Variants in CD101 observed in about 807,000 individuals in gnomAD.
CD101 encodes immunoglobulin superfamily member 2.
In CD101, 76 loss-of-function variants were observed where a neutral mutation model predicts 98.2. That is an observed-to-expected ratio of 0.77 (90% confidence interval 0.64 to 0.94). The LOEUF is 0.94. Ranked by LOEUF, CD101 falls within the 40% of genes least tolerant of loss-of-function variation. The pLI is 0.00. For missense variants in CD101, 1,145 were observed against 1,218.8 expected, an observed-to-expected ratio of 0.94 and a Z score of 0.90; for synonymous variants, 471 against 472.7, an observed-to-expected ratio of 1.00 and a Z score of 0.05.
At chr1:117,025,980 C>T in intron 8 of CD101, 76 bp downstream of exon 8, 3 of 1,445,492 alleles carry the variant, frequency 2.1e-6, no homozygotes, top group Non-Finnish European at 2.8e-6. Context: ...TCCCTCTCAC[C>T]TATCTTTTGC....
At chr1:117,024,664 C>G (rs1471977951) in intron 7 of CD101, among the ~76,000 whole-genome samples, 1 of 152,200 alleles carries the variant, frequency 6.6e-6, no homozygotes, top group Admixed American at 6.5e-5. Flanking sequence ...CTCTTTAAAA[C>G]TCAGTCTAAT....
In CD101 at chr1:117,012,109, T is replaced by A; in HGVS notation, c.841+143T>A. On this transcript the variant is annotated intron_variant, in intron 3 of 9. Coordinates refer to ENST00000682167, the MANE Select transcript of CD101 (RefSeq NM_001256106.3). This position sits in a 1 kb window ranked among gnomAD's most constrained non-coding sequence, Gnocchi z 4.0. Reference sequence around the variant, plus strand: ...TTGATTTAATTTTGTATTTTTGTCATCTGAGAAGCATAACTAAGAGGGAGC... The same window carrying A: ...TTGATTTAATTTTGTATTTTTGTCAACTGAGAAGCATAACTAAGAGGGAGC... 1.3e-6 allele frequency: 1 copy of A among 782,508 alleles called. No homozygotes were observed. Among genetic ancestry groups the A allele is most frequent in the East Asian group, 2.7e-5 (1 of 37,144 alleles). The allele number at this position is 782,508 out of a possible 1,614,324, so 48.5% of individuals were successfully genotyped here. A position where few individuals can be genotyped will look rare whatever the true frequency, so the allele number is the denominator to read the frequency against.
rs887574829 is a variant in CD101 at position 117,022,818 on chromosome 1, C to T, written c.2428+835C>T. 2.0e-5 allele frequency among the ~76,000 whole-genome samples: 3 copies of T among 152,170 alleles called. No homozygotes were observed. The highest frequency in any genetic ancestry group is 1.3e-4 in the Admixed American group (2 of 15,270). ...GCACAGCCCTGGCCCTTAAGGAGCT[C>T]CCAGTCTGGTGGGACAACAAGGGCA... On this transcript the variant is annotated intron_variant, in intron 7 of 9. Transcript: ENST00000682167. This position sits in a 1 kb window ranked among gnomAD's most constrained non-coding sequence, Gnocchi z 4.8.
chr1:117,013,512 A>G lies in CD101; in HGVS notation c.948A>G (p.Gln316=), dbSNP rs1404052039. 1.2e-6 allele frequency: 2 copies of G among 1,614,078 alleles called. No homozygotes were observed. The highest frequency in any genetic ancestry group is 2.7e-5 in the African/African-American group (2 of 74,932). The change falls in exon 4 of 10, where the codon CAA becomes CAG. Residue 316 remains glutamine, a synonymous_variant. Coordinates refer to ENST00000682167, the MANE Select transcript of CD101 (RefSeq NM_001256106.3). ...GCAGTGGCCGTGACCCACAGCTTCA[A>G]GGCATTTGGTTCTTCAATGGGACTG... ...VVSSGRDPQL[Q]GIWFFNGTEI...
intron 7 of CD101, among the ~76,000 whole-genome samples, chr1:117,024,426 A>G (rs4659344): frequency 0.38 from 57,753 of 152,026 alleles, 11,479 homozygotes; most frequent in East Asian, 0.62. Flanking sequence ...GCGGTGAGCC[A>G]AGATTGTGCC....
At chr1:117,001,958 A>G (rs1652255052) in intron 1 of CD101, 98 bp downstream of exon 1, 1 of 1,094,016 alleles carries the variant, frequency 9.1e-7, no homozygotes, top group Admixed American at 1.9e-5. Flanking sequence ...TACAGGAACA[A>G]CTATGCCATA....
In CD101 at chr1:117,017,433, G is replaced by A; in HGVS notation, c.1572G>A (p.Leu524=). 6.2e-7 allele frequency: 1 copy of A among 1,613,786 alleles called. No homozygotes were observed. The highest frequency in any genetic ancestry group is 8.5e-7 in the Non-Finnish European group (1 of 1,179,700). The part of the protein sequence containing the change: ...SEKSRNQARD[L]SWTQKISVTV... ...AGTCTCGGAACCAGGCCAGAGATCTGAGCTGGACTCAGAAGATTTCAGTTA... is the reference window on the plus strand; with the variant it reads ...AGTCTCGGAACCAGGCCAGAGATCTAAGCTGGACTCAGAAGATTTCAGTTA... The change falls in exon 5 of 10, where the codon CTG becomes CTA. Residue 524 remains leucine, a synonymous_variant. Coordinates refer to ENST00000682167, the MANE Select transcript of CD101 (RefSeq NM_001256106.3).
At chr1:117,003,005 G>C (rs1426088316) in intron 1 of CD101, among the ~76,000 whole-genome samples, 3 of 152,198 alleles carry the variant, frequency 2.0e-5, no homozygotes, top group Non-Finnish European at 4.4e-5. Flanking sequence ...AGCTGGGCAT[G>C]GTGGCACATA....
rs191857811 is a variant in CD101, at chr1:117,008,854, G to A, written c.44-996G>A. The stretch of plus-strand genomic sequence containing the variant: ...TCCATAAGGCCAGCAATCTCTCCCT[G>A]TCTGGCCCTTCTGGTGTCTTCCAAC... On this transcript the variant is annotated intron_variant, in intron 1 of 9. Transcript: ENST00000682167. Among the ~76,000 whole-genome samples the A allele has an allele frequency of 1.6e-4, 24 of 152,206 alleles. No homozygotes were observed. In the East Asian group the frequency reaches 4.4e-3, roughly 28 times the overall value.
At position 117,011,902 on chromosome 1, in the gene CD101, T is replaced by A. The variant is rs768852480; in HGVS notation, c.777T>A (p.Asp259Glu). ...CAACGGAATGGATTCAGGATCCAGATGAAACTTGGATGTTCATCACCAAAA... is the reference window on the plus strand; with the variant it reads ...CAACGGAATGGATTCAGGATCCAGAAGAAACTTGGATGTTCATCACCAAAA... The part of the protein sequence containing the change: ...CEATEWIQDP[D>E]ETWMFITKKQ... The change falls in exon 3 of 10, where the codon GAT (aspartate) becomes GAA (glutamate). Residue 259 changes from aspartate to glutamate, a missense_variant. Coordinates refer to ENST00000682167, the MANE Select transcript of CD101 (RefSeq NM_001256106.3). 1.2e-6 allele frequency: 2 copies of A among 1,614,154 alleles called. No individual in the cohort carries two copies. Among genetic ancestry groups the A allele is most frequent in the South Asian group, 1.1e-5 (1 of 91,082 alleles).
intron 8 of CD101, among the ~76,000 whole-genome samples, chr1:117,028,668 G>C (rs1465867426): frequency 6.6e-6 from 1 of 152,194 alleles, no homozygotes; most frequent in Non-Finnish European, 1.5e-5. Flanking sequence ...AGGGAATCAG[G>C]ATTTGGTGGT....
In CD101 at chr1:117,018,369, G is replaced by A. The variant is rs759778037; in HGVS notation, c.1826G>A (p.Arg609Gln). The A allele has an allele frequency of 1.2e-5, 20 of 1,613,994 alleles. No homozygotes were observed. The highest frequency in any genetic ancestry group is 4.5e-5 in the East Asian group (2 of 44,888). Reference protein sequence around the residue: ...GTIEWGNFLSRFQKKTKVSQS... With the variant: ...GTIEWGNFLSQFQKKTKVSQS... ...ATTGAATGGGGGAATTTCCTATCCC[G>A]GTTCCAAAAGAAGACGAAAGTGTCG... The change falls in exon 6 of 10, where the codon CGG (arginine) becomes CAG (glutamine). Residue 609 changes from arginine (R) to glutamine (Q), a missense_variant. Coordinates refer to ENST00000682167, the MANE Select transcript of CD101 (RefSeq NM_001256106.3). The surrounding 1 kb of genome is among the most constrained non-coding windows in gnomAD (Gnocchi z 4.3).
At chr1:117,013,967 G>A (rs897067496) in intron 4 of CD101, among the ~76,000 whole-genome samples, 175 bp downstream of exon 4, 9 of 152,034 alleles carry the variant, frequency 5.9e-5, no homozygotes, top group African/African-American at 9.7e-5. Context: ...CTGAAGACCC[G>A]AGTCCTATTC....
At position 117,004,692 on chromosome 1, in the gene CD101, A is replaced by G. The variant is rs1051941479; in HGVS notation, c.43+2832A>G. 4.6e-5 allele frequency among the ~76,000 whole-genome samples: 7 copies of G among 152,200 alleles called. No individual in the cohort carries two copies. The highest frequency in any genetic ancestry group is 2.6e-4 in the Admixed American group (4 of 15,274). ...AAAAACCCAGAGAGAATATATTTAT[A>G]GTAAGATGCTTAAGCTTATGGCCCC... On this transcript the variant is annotated intron_variant, in intron 1 of 9. Transcript: ENST00000682167. This position sits in a 1 kb window ranked among gnomAD's most constrained non-coding sequence, Gnocchi z 4.1.
At position 117,025,649 on chromosome 1, in the gene CD101, T is replaced by C; in HGVS notation, c.2569T>C (p.Ser857Pro). ...SVMWYWNRENSGSKLLVHLQH... is the reference protein window; with the variant it reads ...SVMWYWNRENPGSKLLVHLQH... Reference sequence around the variant, plus strand: ...GATGTGGTACTGGAACAGAGAAAACTCTGGAAGTAAATTGCTGGTGCACTT... The same window carrying C: ...GATGTGGTACTGGAACAGAGAAAACCCTGGAAGTAAATTGCTGGTGCACTT... The change falls in exon 8 of 10, where the codon TCT (serine) becomes CCT (proline). Residue 857 changes from serine to proline, a missense_variant. Ser to Pro is a moderately conservative substitution (Grantham distance 74). Coordinates refer to ENST00000682167, the MANE Select transcript of CD101 (RefSeq NM_001256106.3). 1.9e-6 allele frequency: 3 copies of C among 1,614,118 alleles called. No homozygotes were observed. The highest frequency in any genetic ancestry group is 2.5e-6 in the Non-Finnish European group (3 of 1,180,030).
intron 6 of CD101, among the ~76,000 whole-genome samples, chr1:117,020,522 C>T (rs540881515): frequency 1.4e-4 from 21 of 152,084 alleles, no homozygotes; most frequent in Non-Finnish European, 1.8e-4. Flanking sequence ...CCAGCCTGGG[C>T]GACAGAGCAA....
chr1:117,002,682 C>T (rs1652303018), intron 1 of CD101, among the ~76,000 whole-genome samples: 2 of 152,102 alleles, frequency 1.3e-5, no homozygotes, highest in African/African-American at 4.8e-5. Flanking sequence ...ATACAGGTAT[C>T]AAAATATTTT....
chr1:117,032,054 G>C (rs1654497279), intron 8 of CD101: 1 of 152,220 alleles, frequency 6.6e-6, no homozygotes, highest in Non-Finnish European at 1.5e-5. Context: ...AGAGGGGTCA[G>C]ATAGGATGTG....
At chr1:117,014,160 T>G (rs1448110104) in intron 4 of CD101, among the ~76,000 whole-genome samples, 1 of 150,826 alleles carries the variant, frequency 6.6e-6, no homozygotes, top group Non-Finnish European at 1.5e-5. Flanking sequence ...GCAGAGAACA[T>G]GTGTATTAAT....
Sources: gnomAD v4.1 joint callset for allele counts (sites outside exome capture counted in the v4.1 genomes callset) on GRCh38, gnomAD v4.1.1 for gene constraint, Gnocchi (gnomAD v3.1) non-coding constraint, MANE v1.5 for transcripts, NCBI Gene and HGNC (gene_info 2026-07-23, HGNC 2026-07-21) for gene names.